MTBP: variants seen among roughly 807,000 people sequenced by gnomAD.
MTBP encodes the protein mdm2-binding protein.
A neutral mutation model predicts 117.0 loss-of-function variants in MTBP; 101 were observed. The observed-to-expected ratio is 0.86, with a 90% CI of 0.73 to 1.02. MTBP has a LOEUF of 1.02. MTBP is among the 50% of genes least tolerant of loss of function. The probability of loss-of-function intolerance (pLI) is 0.00; values close to 1 mark genes in which losing one functional copy is unlikely to be tolerated. For missense variants in MTBP, 970 were observed against 1,030.9 expected, an observed-to-expected ratio of 0.94 and a Z score of 0.81; for synonymous variants, 350 against 351.5, an observed-to-expected ratio of 1.00 and a Z score of 0.05.
intron 12 of MTBP, among the ~76,000 whole-genome samples, chr8:120,489,503 C>T (rs1480541312): frequency 3.9e-5 from 6 of 152,150 alleles, no homozygotes. Context: ...AGGACTGCCA[C>T]AGCGTGGAGA....
chr8:120,489,846 T>G (rs1183520673), intron 12 of MTBP, among the ~76,000 whole-genome samples: 5 of 152,138 alleles, frequency 3.3e-5, no homozygotes, highest in Non-Finnish European at 5.9e-5. Flanking sequence ...CTTCTATATT[T>G]CAGGGGCCAT....
intron 11 of MTBP, among the ~76,000 whole-genome samples, chr8:120,484,403 A>G (rs1023663462): frequency 1.1e-4 from 16 of 152,150 alleles, no homozygotes; most frequent in African/African-American, 2.4e-5. Context: ...GGAATAGACT[A>G]TAACCCACGG....
chr8:120,462,974 T>C (rs1813612439), intron 9 of MTBP, among the ~76,000 whole-genome samples: 1 of 152,138 alleles, frequency 6.6e-6, no homozygotes, highest in African/African-American at 2.4e-5. Context: ...GCCGTGTTTT[T>C]ACATAATATT....
intron 9 of MTBP, 148 bp downstream of exon 9, chr8:120,461,403 T>C (rs969588220): frequency 1.7e-6 from 1 of 587,340 alleles, no homozygotes; most frequent in Non-Finnish European, 2.9e-6. Context: ...GCTGCTGGAC[T>C]CCTTATTTTT....
chr8:120,474,340 C>A (rs1274278467), intron 11 of MTBP, among the ~76,000 whole-genome samples: 1 of 151,904 alleles, frequency 6.6e-6, no homozygotes, highest in East Asian at 1.9e-4. Context: ...TACCCATAAT[C>A]CTCTCTGTAG....
At chr8:120,517,336 A>G (rs1188534528) in intron 18 of MTBP, among the ~76,000 whole-genome samples, 6 of 152,042 alleles carry the variant, frequency 3.9e-5, no homozygotes, top group Admixed American at 2.6e-4. Flanking sequence ...AATATTTAAC[A>G]GATTAGTATT....
Position 120,515,941 on chromosome 8 carries a change from C to T in MTBP, c.1996C>T (p.Arg666Ter), listed in dbSNP as rs1228492262. The change falls in exon 18 of 22, where the codon CGA (arginine) becomes TGA (stop). Residue 666 changes from arginine (R) to a stop codon, truncating the protein, a stop_gained. Coordinates refer to ENST00000305949, the MANE Select transcript of MTBP (RefSeq NM_022045.5). LOFTEE classifies it high-confidence loss of function. ...YHGIEYCLDDRKALERDGGFS... is the reference protein window; with the variant it reads ...YHGIEYCLDD The stretch of plus-strand genomic sequence containing the variant: ...TCATTTTAGATATTGCTTGGATGAC[C>T]GAAAAGCTTTGGAAAGAGATGGAGG... 22 of 1,612,178 alleles carry T rather than the reference C, an allele frequency of 1.4e-5. No individual in the cohort carries two copies. Among genetic ancestry groups the T allele is most frequent in the Non-Finnish European group, 1.9e-5 (22 of 1,178,846 alleles).
At chr8:120,456,128 G>A (rs576744873) in intron 6 of MTBP, among the ~76,000 whole-genome samples, 3 of 152,222 alleles carry the variant, frequency 2.0e-5, no homozygotes, top group African/African-American at 7.2e-5. Flanking sequence ...TCATTGAAGT[G>A]CAGGGAGAAA....
chr8:120,492,212 G>A (rs1814361131), intron 13 of MTBP, among the ~76,000 whole-genome samples: 1 of 152,130 alleles, frequency 6.6e-6, no homozygotes. Context: ...TATTTATGAT[G>A]AAAATACTTA....
intron 11 of MTBP, 169 bp downstream of exon 11, chr8:120,471,106 CATA>C: frequency 1.9e-6 from 1 of 538,930 alleles, no homozygotes; most frequent in Non-Finnish European, 3.3e-6. Context: ...CCTACTGTAA[CATA>C]AAGTATCTCT....
chr8:120,478,194 G>T (rs1813988763), intron 11 of MTBP, among the ~76,000 whole-genome samples: 1 of 152,056 alleles, frequency 6.6e-6, no homozygotes, highest in South Asian at 2.1e-4. Flanking sequence ...ATAAGTGGGA[G>T]TTGAACAATG....
In MTBP at chr8:120,445,421, G is replaced by A. The variant is rs377153079; in HGVS notation, c.-50G>A. Reference sequence around the variant, plus strand: ...CGGAAATGCGTCATAGCGCGCGTCTGTTTGGATGTGGAAGCCGAGACCTAA... The same window carrying A: ...CGGAAATGCGTCATAGCGCGCGTCTATTTGGATGTGGAAGCCGAGACCTAA... On this transcript the variant is annotated 5_prime_UTR_variant, in exon 1 of 22. Transcript: ENST00000305949. 5 of 1,511,384 alleles carry A rather than the reference G, an allele frequency of 3.3e-6. No individual in the cohort carries two copies. The highest frequency in any genetic ancestry group is 2.3e-5 in the East Asian group (1 of 44,390). The allele number at this position is 1,511,384 out of a possible 1,614,324, so 93.6% of individuals were successfully genotyped here. A position where few individuals can be genotyped will look rare whatever the true frequency, so the allele number is the denominator to read the frequency against.
chr8:120,487,350 G>A (rs1814242185), intron 11 of MTBP, among the ~76,000 whole-genome samples: 1 of 152,166 alleles, frequency 6.6e-6, no homozygotes, highest in South Asian at 2.1e-4. Context: ...CAGCTCCTTA[G>A]CAGTGGAGAG....
chr8:120,482,180 G>A (rs948088648), intron 11 of MTBP, among the ~76,000 whole-genome samples: 3 of 152,158 alleles, frequency 2.0e-5, no homozygotes, highest in African/African-American at 7.2e-5. Flanking sequence ...CCAAGATTGA[G>A]AACCTCTGCC....
intron 5 of MTBP, among the ~76,000 whole-genome samples, chr8:120,454,582 A>T (rs1813429389): frequency 6.6e-6 from 1 of 152,052 alleles, no homozygotes; most frequent in Non-Finnish European, 1.5e-5. Context: ...TTGTACTAGG[A>T]GCCAAGTGTA....
chr8:120,506,049 C>A (rs1035402162), intron 15 of MTBP, among the ~76,000 whole-genome samples: 1 of 152,108 alleles, frequency 6.6e-6, no homozygotes, highest in Non-Finnish European at 1.5e-5. Context: ...GTTATTATTT[C>A]ATTTTGAGAT....
In MTBP at chr8:120,522,687, A is replaced by T. The variant is rs777967641; in HGVS notation, c.2644A>T (p.Met882Leu). 1 of 1,607,306 alleles carries T rather than the reference A, an allele frequency of 6.2e-7. No homozygotes were observed. Among genetic ancestry groups the T allele is most frequent in the Non-Finnish European group, 8.5e-7 (1 of 1,175,550 alleles). ...LKTSRGLFEE[M>L]KKTANNNAVQ... ...AACTTCAAGGGGTCTATTTGAAGAAATGAAGAAAACAGCAAACAACAATGC... is the reference window on the plus strand; with the variant it reads ...AACTTCAAGGGGTCTATTTGAAGAATTGAAGAAAACAGCAAACAACAATGC... The change falls in exon 21 of 22, where the codon ATG becomes TTG. Residue 882 changes from methionine (M) to leucine (L), a missense_variant. Transcript: ENST00000305949.
intron 12 of MTBP, among the ~76,000 whole-genome samples, chr8:120,488,543 C>T (rs1045331281): frequency 5.3e-5 from 8 of 152,032 alleles, no homozygotes; most frequent in Non-Finnish European, 1.2e-4. Context: ...TTACATTATA[C>T]CTAGTAAAGT....
At chr8:120,518,190 G>C in intron 19 of MTBP, 90 bp downstream of exon 19, 3 of 1,356,636 alleles carry the variant, frequency 2.2e-6, no homozygotes, top group South Asian at 3.0e-5. Flanking sequence ...AAAATTTTAT[G>C]AATGAAATGA....
Sources: gnomAD v4.1 joint callset for allele counts (sites outside exome capture counted in the v4.1 genomes callset) on GRCh38, gnomAD v4.1.1 for gene constraint, MANE v1.5 for transcripts, NCBI Gene and HGNC (gene_info 2026-07-23, HGNC 2026-07-21) for gene names.